Variants in TMTC2 observed in about 807,000 individuals in gnomAD.
The protein encoded by TMTC2 is protein O-mannosyl-transferase TMTC2.
TMTC2 carries 43 observed loss-of-function variants against 82.4 expected under a neutral mutation model. That is an observed-to-expected ratio of 0.52 (90% CI 0.41 to 0.67). The LOEUF (loss-of-function observed/expected upper bound fraction) is 0.67. Among genes scored for constraint, TMTC2 ranks in the 30% least tolerant of loss-of-function variants. TMTC2 has a pLI of 0.00. For synonymous variants in TMTC2, 408 were observed against 381.9 expected (o/e 1.07, Z -0.80); for missense variants, 919 against 1,012.4 (o/e 0.91, Z 1.25).
At chr12:82,912,046 T>C (rs1005776567) in intron 3 of TMTC2, among the ~76,000 whole-genome samples, 2 of 152,226 alleles carry the variant, frequency 1.3e-5, no homozygotes, top group African/African-American at 4.8e-5. Flanking sequence ...ACCAGCTGCC[T>C]CTCAGCCCAT....
At chr12:82,734,305 C>T (rs950185272) in intron 1 of TMTC2, among the ~76,000 whole-genome samples, 3 of 152,064 alleles carry the variant, frequency 2.0e-5, no homozygotes, top group Admixed American at 2.0e-4. Flanking sequence ...CTCTGGAGAC[C>T]CTGGGAAAGA....
chr12:82,965,532 C>T, intron 5 of TMTC2, 28 bp from the exon 6 acceptor site: 1 of 1,610,268 alleles, frequency 6.2e-7, no homozygotes, highest in Non-Finnish European at 8.5e-7. Flanking sequence ...CATCTTCTCA[C>T]ACTTTTGTTT....
rs148682261 is a variant in TMTC2, at chr12:83,004,185, A to G, written c.2070+18139A>G. On this transcript the variant is annotated intron_variant, in intron 8 of 11. Coordinates refer to ENST00000321196, the MANE Select transcript of TMTC2 (RefSeq NM_152588.3). ...TGTTAATGCCTCCAACCGTATTATG[A>G]CATTCCTTGTGAATTTTTCACTTCC... Among the ~76,000 whole-genome samples, 12 of 152,284 alleles carry G rather than the reference A, an allele frequency of 7.9e-5. No individual in the cohort carries two copies. In the East Asian group the frequency reaches 2.3e-3, roughly 29 times the overall value.
chr12:83,092,171 G>A (rs994072409), intron 11 of TMTC2, among the ~76,000 whole-genome samples: 4 of 152,190 alleles, frequency 2.6e-5, no homozygotes, highest in African/African-American at 9.7e-5. Flanking sequence ...TGGCCTCCAG[G>A]ATGCCATTGT....
At chr12:83,045,321 T>C (rs1197995995) in intron 9 of TMTC2, among the ~76,000 whole-genome samples, 1 of 152,180 alleles carries the variant, frequency 6.6e-6, no homozygotes, top group African/African-American at 2.4e-5. Flanking sequence ...ATTAAGATGA[T>C]AATAAGCTTG....
intron 1 of TMTC2, among the ~76,000 whole-genome samples, chr12:82,790,246 A>T (rs1878399320): frequency 6.6e-6 from 1 of 150,716 alleles, no homozygotes; most frequent in Non-Finnish European, 1.5e-5. Flanking sequence ...GTGCTTTCAG[A>T]TGCTGAGCCC....
chr12:82,806,621 A>T (rs902862231), intron 1 of TMTC2, among the ~76,000 whole-genome samples: 4 of 152,188 alleles, frequency 2.6e-5, no homozygotes, highest in African/African-American at 9.6e-5. Context: ...CAATAAGTTA[A>T]TTAACACATT....
At chr12:82,988,467 G>C (rs11115506) in intron 8 of TMTC2, among the ~76,000 whole-genome samples, 7 of 152,108 alleles carry the variant, frequency 4.6e-5, no homozygotes, top group Admixed American at 4.6e-4. Flanking sequence ...ACAAATGCCA[G>C]CAACTAGGCA....
intron 6 of TMTC2, among the ~76,000 whole-genome samples, chr12:82,966,327 C>G (rs1365496745): frequency 6.6e-6 from 1 of 152,084 alleles, no homozygotes; most frequent in East Asian, 1.9e-4. Context: ...CTAGTCCTCC[C>G]TTCCTCTGAC....
At chr12:83,050,010 CATTT>C (rs1309382841) in intron 9 of TMTC2, among the ~76,000 whole-genome samples, 1 of 152,110 alleles carries the variant, frequency 6.6e-6, no homozygotes, top group Non-Finnish European at 1.5e-5. Context: ...AGAACTTAAT[CATTT>C]TTATAACTAT....
chr12:82,985,064 A>AT (rs948105936), intron 7 of TMTC2, among the ~76,000 whole-genome samples: 5 of 151,582 alleles, frequency 3.3e-5, no homozygotes, highest in Admixed American at 1.3e-4. Flanking sequence ...AATTAAAATA[A>AT]TTTTTTTTGT....
At chr12:82,783,553 A>T (rs954338870) in intron 1 of TMTC2, among the ~76,000 whole-genome samples, 4 of 151,984 alleles carry the variant, frequency 2.6e-5, no homozygotes, top group African/African-American at 7.2e-5. Context: ...ATCTTTCTTT[A>T]TGCCTAAATT....
intron 5 of TMTC2, 134 bp from the exon 6 acceptor site, chr12:82,965,426 T>C: frequency 1.2e-6 from 1 of 867,556 alleles, no homozygotes; most frequent in Non-Finnish European, 1.8e-6. Context: ...ATCCCATGAG[T>C]ATTTGTGTCA....
At chr12:83,077,352 C>T (rs185697581) in intron 11 of TMTC2, among the ~76,000 whole-genome samples, 2 of 152,176 alleles carry the variant, frequency 1.3e-5, no homozygotes, top group East Asian at 3.9e-4. Flanking sequence ...AGACCTTGCC[C>T]GGTTCTCCCC....
intron 2 of TMTC2, among the ~76,000 whole-genome samples, chr12:82,879,409 G>A (rs930392709): frequency 9.2e-5 from 14 of 152,204 alleles, no homozygotes; most frequent in Non-Finnish European, 1.6e-4. Context: ...ACACAACCTA[G>A]ATCCCTCGCA....
At chr12:83,021,805 G>T (rs11115528) in intron 8 of TMTC2, 16,278 of 151,956 alleles carry the variant, frequency 0.11, 1,402 homozygotes, top group East Asian at 0.29. Flanking sequence ...AATCTAGGGT[G>T]TTTTCTAAAA....
chr12:82,897,945 A>G (rs575255249), intron 3 of TMTC2, among the ~76,000 whole-genome samples: 1 of 145,436 alleles, frequency 6.9e-6, no homozygotes, highest in East Asian at 2.0e-4. Flanking sequence ...AGAATATGAA[A>G]ATGGCCTGCT....
At chr12:83,038,640 C>T (rs923982250) in intron 9 of TMTC2, among the ~76,000 whole-genome samples, 2 of 151,672 alleles carry the variant, frequency 1.3e-5, no homozygotes, top group African/African-American at 4.8e-5. Context: ...ATGAAAGATA[C>T]ATAATAATGA....
At chr12:82,858,966 T>C (rs1281340706) in intron 2 of TMTC2, among the ~76,000 whole-genome samples, 1 of 152,220 alleles carries the variant, frequency 6.6e-6, no homozygotes, top group African/African-American at 2.4e-5. Flanking sequence ...AGAAGTGTAA[T>C]TCCTGCTCTT....
Sources: gnomAD v4.1 joint callset for allele counts (sites outside exome capture counted in the v4.1 genomes callset) on GRCh38, gnomAD v4.1.1 for gene constraint, MANE v1.5 for transcripts, NCBI Gene and HGNC (gene_info 2026-07-23, HGNC 2026-07-21) for gene names.